The following GLRA2 variants were observed in gnomAD, a reference collection of about 807,000 sequenced individuals.
The protein encoded by GLRA2 is glycine receptor subunit alpha-2.
A neutral mutation model predicts 31.6 loss-of-function variants in GLRA2; 11 were observed. The observed-to-expected ratio is 0.35, with a 90% confidence interval of 0.22 to 0.58. GLRA2 has a LOEUF of 0.58. GLRA2 is among the 20% of genes least tolerant of loss of function. The pLI, the probability that GLRA2 is intolerant of heterozygous loss-of-function variation, is 0.84. For synonymous variants in GLRA2, 132 were observed against 134.0 expected, an observed-to-expected ratio of 0.99 and a Z score of 0.10; for missense variants, 212 against 351.8, an observed-to-expected ratio of 0.60 and a Z score of 3.18.
chrX:14,681,909 AAAT>A (rs1427362426), intron 7 of GLRA2, among the ~76,000 whole-genome samples: 3 of 69,831 alleles, frequency 4.3e-5, no homozygotes, highest in African/African-American at 1.1e-4. Flanking sequence ...AAAAAAAAAA[AAAT>A]ATATATATAT....
chrX:14,501,524 G>T, the GLRA2 span, among the ~76,000 whole-genome samples: 1 of 111,009 alleles, frequency 9.0e-6, no homozygotes, highest in Non-Finnish European at 1.9e-5. Context: ...CTTTGTTCTG[G>T]CTTGGCCACA....
chrX:14,479,771 C>G, the GLRA2 span, among the ~76,000 whole-genome samples: 1 of 111,615 alleles, frequency 9.0e-6, no homozygotes, highest in Non-Finnish European at 1.9e-5. Context: ...ATCCAGTCCA[C>G]TATTGATGGG....
chrX:14,634,875 A>T (rs1164759446), intron 7 of GLRA2, among the ~76,000 whole-genome samples: 1 of 112,339 alleles, frequency 8.9e-6, no homozygotes, highest in Admixed American at 9.5e-5. Context: ...CCATATTAGC[A>T]GCCACTTGAA....
the GLRA2 span, among the ~76,000 whole-genome samples, chrX:14,473,521 A>T: frequency 8.9e-6 from 1 of 112,223 alleles, no homozygotes; most frequent in Non-Finnish European, 1.9e-5. Flanking sequence ...CTGTCCATGA[A>T]TCCTGATAGA....
chrX:14,708,619 T>G (rs1467390026), intron 8 of GLRA2, among the ~76,000 whole-genome samples: 1 of 111,327 alleles, frequency 9.0e-6, no homozygotes, highest in Non-Finnish European at 1.9e-5. Flanking sequence ...TCTGCCCAAT[T>G]ATACAGCACA....
the GLRA2 span, among the ~76,000 whole-genome samples, chrX:14,458,705 T>A: frequency 8.9e-6 from 1 of 112,033 alleles, no homozygotes; most frequent in Admixed American, 9.4e-5. Context: ...CTTCGCCCAC[T>A]TGTTGATGGG....
At chrX:14,478,067 G>A in the GLRA2 span, among the ~76,000 whole-genome samples, 4 of 110,828 alleles carry the variant, frequency 3.6e-5, no homozygotes, top group Admixed American at 9.7e-5. Flanking sequence ...TCACTATGTG[G>A]ATTGGAGAGC....
At chrX:14,518,847 G>GA in the GLRA2 span, among the ~76,000 whole-genome samples, 1,515 of 91,848 alleles carry the variant, frequency 0.016, 26 homozygotes, top group African/African-American at 0.052. Flanking sequence ...CGTCTCTACT[G>GA]AAAAAAAAAA....
intron 2 of GLRA2, among the ~76,000 whole-genome samples, chrX:14,573,223 C>T (rs2089908023): frequency 8.9e-6 from 1 of 111,945 alleles, no homozygotes; most frequent in South Asian, 3.7e-4. Context: ...AGCCATTGTG[C>T]CCCAAATTTC....
intron 7 of GLRA2, among the ~76,000 whole-genome samples, chrX:14,616,619 A>C (rs1430233069): frequency 8.9e-6 from 1 of 111,758 alleles, no homozygotes; most frequent in Non-Finnish European, 1.9e-5. Flanking sequence ...GCAGTAAGAG[A>C]ACTACGAAAA....
chrX:14,550,961 G>A (rs2089553776), intron 2 of GLRA2, among the ~76,000 whole-genome samples: 1 of 111,878 alleles, frequency 8.9e-6, no homozygotes, highest in African/African-American at 3.2e-5. Flanking sequence ...CTCAGAAATT[G>A]TTAATAATAA....
chrX:14,469,845 TAATA>T, the GLRA2 span, among the ~76,000 whole-genome samples: 8 of 109,931 alleles, frequency 7.3e-5, no homozygotes, highest in African/African-American at 2.6e-4. Flanking sequence ...TAAAATATAA[TAATA>T]ATTTAAAAAA....
intron 3 of GLRA2, 157 bp downstream of exon 3, chrX:14,574,557 A>G (rs765690412): frequency 5.1e-6 from 6 of 1,168,766 alleles, no homozygotes; most frequent in East Asian, 5.9e-5. Context: ...AGAAACTACA[A>G]TGGTGAGTGG....
the GLRA2 span, among the ~76,000 whole-genome samples, chrX:14,456,253 A>G: frequency 5.4e-5 from 6 of 111,256 alleles, no homozygotes; most frequent in African/African-American, 2.0e-4. Context: ...ACATTTATAC[A>G]TATTCATGGG....
intron 7 of GLRA2, among the ~76,000 whole-genome samples, chrX:14,644,720 T>C (rs906397598): frequency 8.9e-6 from 1 of 112,117 alleles, no homozygotes; most frequent in African/African-American, 3.2e-5. Context: ...AGGCTTGTTC[T>C]ACCAAGCAAT....
chrX:14,456,907 A>G, the GLRA2 span, among the ~76,000 whole-genome samples: 1 of 111,726 alleles, frequency 9.0e-6, no homozygotes, highest in Middle Eastern at 4.6e-3. Flanking sequence ...TGGTAGTTTT[A>G]TTTGTAGTTA....
chrX:14,613,734 T>G (rs899256815), intron 7 of GLRA2, among the ~76,000 whole-genome samples: 13 of 110,516 alleles, frequency 1.2e-4, no homozygotes, highest in African/African-American at 3.3e-4. Flanking sequence ...CACGTGTGTG[T>G]TTTTTTTACA....
At chrX:14,566,079 C>T (rs2089801527) in intron 2 of GLRA2, among the ~76,000 whole-genome samples, 1 of 110,298 alleles carries the variant, frequency 9.1e-6, no homozygotes, top group African/African-American at 3.3e-5. Flanking sequence ...CCTAGACTGA[C>T]GAAGAAAAAA....
chrX:14,511,226 G>A, the GLRA2 span, among the ~76,000 whole-genome samples: 1 of 112,023 alleles, frequency 8.9e-6, no homozygotes, highest in Admixed American at 9.5e-5. Context: ...AACAGAAATA[G>A]TTTTCCTTAA....
Sources: gnomAD v4.1 joint callset for allele counts (sites outside exome capture counted in the v4.1 genomes callset) on GRCh38, gnomAD v4.1.1 for gene constraint, MANE v1.5 for transcripts, NCBI Gene and HGNC (gene_info 2026-07-23, HGNC 2026-07-21) for gene names.